Variants in CLCN2 observed in about 807,000 individuals in gnomAD.
The protein encoded by CLCN2 is chloride channel protein 2.
CLCN2 carries 72 observed loss-of-function variants against 108.3 expected under a neutral mutation model. That is an observed-to-expected ratio of 0.66 (90% CI 0.55 to 0.81). The LOEUF is 0.81. CLCN2 is among the 30% of genes least tolerant of loss of function. The pLI is 0.00. For missense variants in CLCN2, 1,048 were observed against 1,205.2 expected, an observed-to-expected ratio of 0.87 and a Z score of 1.93; for synonymous variants, 471 against 467.1, an observed-to-expected ratio of 1.01 and a Z score of -0.11.
chr3:184,360,717 GAT>G (rs1711949842), intron 1 of CLCN2, among the ~76,000 whole-genome samples: 1 of 152,166 alleles, frequency 6.6e-6, no homozygotes, highest in African/African-American at 2.4e-5. Flanking sequence ...CAATGGGGGC[GAT>G]AAGTCAGCTC....
intron 22 of CLCN2, chr3:184,348,583 C>G (rs1727871308): frequency 6.6e-6 from 1 of 151,866 alleles, no homozygotes; most frequent in African/African-American, 2.4e-5. Flanking sequence ...TAACTGGAGT[C>G]CTACGTGCTA....
chr3:184,357,995 G>A lies in CLCN2; in HGVS notation c.582C>T (p.Cys194=), dbSNP rs754909914. Residue 194 remains cysteine (C), a synonymous_variant, in exon 5 of 24, where the codon TGC becomes TGT. Coordinates refer to ENST00000265593, the MANE Select transcript of CLCN2 (RefSeq NM_004366.6). ...TFIAKVIGLT[C]ALGSGMPLGK... ...CAAGCGGCATCCCGCTGCCTAGGGC[G>A]CAGGTCAGCCCAATGACCTTAGCTA... 17 of 1,614,054 alleles carry A rather than the reference G, an allele frequency of 1.1e-5. No individual in the cohort carries two copies. Among genetic ancestry groups the A allele is most frequent in the South Asian group, 2.2e-5 (2 of 91,084 alleles).
chr3:184,353,539 C>A, intron 16 of CLCN2, 117 bp from the exon 17 acceptor site: 1 of 1,550,940 alleles, frequency 6.4e-7, no homozygotes, highest in Non-Finnish European at 8.7e-7. Flanking sequence ...GGGAAGCCCC[C>A]ACCTGGCAAG....
chr3:184,350,880 C>T (rs1051513589), intron 22 of CLCN2, among the ~76,000 whole-genome samples: 14 of 152,244 alleles, frequency 9.2e-5, no homozygotes, highest in Admixed American at 3.9e-4. Flanking sequence ...CACAGTGTCT[C>T]GCACATAGCA....
chr3:184,361,522 T>C lies in CLCN2; in HGVS notation c.-43A>G, dbSNP rs764223903. ...TCGCCTCCCTCGGCGGTTCCGGCTCTGTCCTGGACTCGGCTCCCGGCCCGC... is the reference window on the plus strand; with the variant it reads ...TCGCCTCCCTCGGCGGTTCCGGCTCCGTCCTGGACTCGGCTCCCGGCCCGC... On this transcript the variant is annotated 5_prime_UTR_variant, in exon 1 of 24. Coordinates refer to ENST00000265593, the MANE Select transcript of CLCN2 (RefSeq NM_004366.6). This position sits in a 1 kb window ranked among gnomAD's most constrained non-coding sequence, Gnocchi z 6.6. 1.9e-6 allele frequency: 3 copies of C among 1,599,924 alleles called. No individual in the cohort carries two copies. Among genetic ancestry groups the C allele is most frequent in the Admixed American group, 3.3e-5 (2 of 59,876 alleles).
At chr3:184,360,964 C>T (rs923315031) in intron 1 of CLCN2, among the ~76,000 whole-genome samples, 1 of 152,224 alleles carries the variant, frequency 6.6e-6, no homozygotes, top group East Asian at 1.9e-4. Flanking sequence ...GGGTCTGGGG[C>T]TGACCATCTT....
At chr3:184,354,424 G>C (rs1460839358) in intron 14 of CLCN2, 110 bp from the exon 15 acceptor site, 4 of 1,301,118 alleles carry the variant, frequency 3.1e-6, no homozygotes, top group African/African-American at 1.5e-5. Flanking sequence ...ACAGTCCTGG[G>C]ATTGGACCTG....
At chr3:184,350,341 C>A (rs938851353) in intron 22 of CLCN2, among the ~76,000 whole-genome samples, 1 of 152,140 alleles carries the variant, frequency 6.6e-6, no homozygotes. Context: ...CACGTGACCT[C>A]CTCGCTGCAT....
In CLCN2 at chr3:184,354,732, C is replaced by A. The variant is rs1451169403; in HGVS notation, c.1397-74G>T. 4.3e-6 allele frequency: 6 copies of A among 1,384,506 alleles called. No individual in the cohort carries two copies. The East Asian group carries it at 1.2e-4, about 27-fold the overall frequency. 85.8% of individuals were successfully genotyped at this position (1,384,506 alleles called of 1,614,324 possible). A position where few individuals can be genotyped will look rare whatever the true frequency, so the allele number is the denominator to read the frequency against. On this transcript the variant is annotated intron_variant, in intron 13 of 23. Coordinates refer to ENST00000265593, the MANE Select transcript of CLCN2 (RefSeq NM_004366.6). Reference sequence around the variant, plus strand: ...AGGGGGCACTAGGAAGAGAGAGGGTCAGAGGGTGAGGGAGGGGCCAACGGG... The same window carrying A: ...AGGGGGCACTAGGAAGAGAGAGGGTAAGAGGGTGAGGGAGGGGCCAACGGG...
rs769123030 is a variant in CLCN2 at position 184,352,735 on chromosome 3, A to T, written c.2217+2T>A. On this transcript the variant is annotated splice_donor_variant, in intron 19 of 23. Transcript: ENST00000265593. LOFTEE classifies it high-confidence loss of function. ...CTAGGAGGACAGGCTCCAGCCACTC[A>T]CCTCCGAAGCAGCCTCAGGGGGTGG... 6.2e-7 allele frequency: 1 copy of T among 1,612,940 alleles called. No individual in the cohort carries two copies. The highest frequency in any genetic ancestry group is 1.1e-5 in the South Asian group (1 of 91,056).
At position 184,357,874 on chromosome 3, in the gene CLCN2, C is replaced by A; in HGVS notation, c.616-18G>T. On this transcript the variant is annotated intron_variant, in intron 5 of 23. Coordinates refer to ENST00000265593, the MANE Select transcript of CLCN2 (RefSeq NM_004366.6). ...AAAGGGCCCTGCGGGGTGGGGCAGG[C>A]GGTGAGTCGGGAGGGGGCCCGCCCT... 1 of 1,613,624 alleles carries A rather than the reference C, an allele frequency of 6.2e-7. No individual in the cohort carries two copies. The highest frequency in any genetic ancestry group is 1.1e-5 in the South Asian group (1 of 91,082).
intron 22 of CLCN2, chr3:184,349,540 T>G (rs9819126): frequency 0.77 from 117,741 of 152,278 alleles, 46,382 homozygotes; most frequent in African/African-American, 0.91. Flanking sequence ...CTGAGTAGCT[T>G]GGACTACAGG....
In CLCN2 at chr3:184,356,894, T is replaced by C. The variant is rs542194689; in HGVS notation, c.1085+99A>G. The stretch of plus-strand genomic sequence containing the variant: ...CTGGCTGATTTCTCAGTGAAGTGCC[T>C]GTTTTGACTGGGCCATTCTCTCCCC... On this transcript the variant is annotated intron_variant, in intron 10 of 23. Coordinates refer to ENST00000265593, the MANE Select transcript of CLCN2 (RefSeq NM_004366.6). 9.9e-5 allele frequency: 81 copies of C among 820,426 alleles called. 1 individual carries two copies. The South Asian group carries it at 1.1e-3, about 11-fold the overall frequency. The allele number at this position is 820,426 out of a possible 1,614,324, so 50.8% of individuals were successfully genotyped here. A position where few individuals can be genotyped will look rare whatever the true frequency, so the allele number is the denominator to read the frequency against.
intron 22 of CLCN2, 54 bp downstream of exon 22, chr3:184,351,959 C>T (rs1218595926): frequency 1.1e-5 from 14 of 1,304,808 alleles, no homozygotes; most frequent in Non-Finnish European, 1.3e-5. Flanking sequence ...GGACCAAGAT[C>T]CCCACTGTGT....
chr3:184,360,633 TC>T (rs1393980711), intron 1 of CLCN2, among the ~76,000 whole-genome samples: 6 of 152,074 alleles, frequency 3.9e-5, no homozygotes, highest in Non-Finnish European at 7.4e-5. Flanking sequence ...ACGGGCCCCT[TC>T]CTTTCCCTAG....
Position 184,355,253 on chromosome 3 carries a change from G to T in CLCN2, c.1326+121C>A. The T allele has an allele frequency of 1.8e-6, 2 of 1,124,056 alleles. No homozygotes were observed. Among genetic ancestry groups the T allele is most frequent in the South Asian group, 1.3e-5 (1 of 79,400 alleles). The allele number at this position is 1,124,056 out of a possible 1,614,324, so 69.6% of individuals were successfully genotyped here. A position where few individuals can be genotyped will look rare whatever the true frequency, so the allele number is the denominator to read the frequency against. ...TTCGACTCCCCCATCTTTCAAACGG[G>T]GGTGATAATAGTGCCTTTCCCATGG... is the stretch of plus-strand genomic sequence containing the variant. On this transcript the variant is annotated intron_variant, in intron 12 of 23. Transcript: ENST00000265593. The surrounding 1 kb of genome is among the most constrained non-coding windows in gnomAD (Gnocchi z 6.3).
intron 22 of CLCN2, chr3:184,347,284 T>C: frequency 1.9e-6 from 1 of 520,034 alleles, no homozygotes; most frequent in Non-Finnish European, 3.5e-6. Context: ...GAGTAATTCT[T>C]AGTCCCATGT....
At chr3:184,356,107 A>G (rs1322276734) in intron 10 of CLCN2, 2 of 383,512 alleles carry the variant, frequency 5.2e-6, no homozygotes, top group East Asian at 1.2e-4. Flanking sequence ...CCATCAGGGC[A>G]TATTGTGTGA....
rs1414165451 is a variant in CLCN2, at chr3:184,353,095, G to A, written c.2081C>T (p.Pro694Leu). Reference sequence around the variant, plus strand: ...CCCCCTCTTGAGTGCAGGCTTTAGGGGCTTGTGGGTCTCCCCCCGGGCTGC... The same window carrying A: ...CCCCCTCTTGAGTGCAGGCTTTAGGAGCTTGTGGGTCTCCCCCCGGGCTGC... ...FPAARGETHK[P>L]LKPALKRGPS... Residue 694 changes from proline (P) to leucine (L), a missense_variant, in exon 18 of 24, where the codon CCC (proline) becomes CTC (leucine). Pro to Leu is a moderately conservative substitution (Grantham distance 98, BLOSUM62 -3). Transcript: ENST00000265593. 2.5e-6 allele frequency: 4 copies of A among 1,614,144 alleles called. No individual in the cohort carries two copies. Among genetic ancestry groups the A allele is most frequent in the Non-Finnish European group, 3.4e-6 (4 of 1,180,024 alleles).
Sources: gnomAD v4.1 joint callset for allele counts (sites outside exome capture counted in the v4.1 genomes callset) on GRCh38, gnomAD v4.1.1 for gene constraint, Gnocchi (gnomAD v3.1) non-coding constraint, MANE v1.5 for transcripts, NCBI Gene and HGNC (gene_info 2026-07-23, HGNC 2026-07-21) for gene names.